CALN1: variants seen among roughly 807,000 people sequenced by gnomAD.
The protein encoded by CALN1 is calneuron 1.
CALN1 carries 17 observed loss-of-function variants against 30.6 expected under a neutral mutation model. The ratio of observed to expected loss-of-function variants is 0.56; its 90% CI spans 0.38 to 0.83. The LOEUF (loss-of-function observed/expected upper bound fraction) is 0.83. Ranked by LOEUF, CALN1 falls within the 40% of genes least tolerant of loss-of-function variation. CALN1 has a pLI of 0.00. For missense variants in CALN1, 291 were observed against 354.9 expected (o/e 0.82, Z 1.45); for synonymous variants, 156 against 131.4 (o/e 1.19, Z -1.28).
chr7:72,258,896 G>GT (rs1327905477), intron 3 of CALN1, among the ~76,000 whole-genome samples: 2 of 113,732 alleles, frequency 1.8e-5, no homozygotes, highest in African/African-American at 2.9e-5. Context: ...CTACTAAAAA[G>GT]TAAAAAAAAA....
intron 2 of CALN1, among the ~76,000 whole-genome samples, chr7:72,295,067 T>C (rs1798758521): frequency 6.6e-6 from 1 of 152,156 alleles, no homozygotes; most frequent in South Asian, 2.1e-4. Flanking sequence ...CAGTGTATAC[T>C]GGGCAGATGA....
intron 4 of CALN1, among the ~76,000 whole-genome samples, chr7:72,090,257 G>C (rs1048292769): frequency 6.6e-6 from 1 of 152,122 alleles, no homozygotes; most frequent in Non-Finnish European, 1.5e-5. Context: ...AGCTGAGATC[G>C]CGCCACTGCA....
chr7:72,323,452 G>C (rs1266707046), intron 2 of CALN1, among the ~76,000 whole-genome samples: 1 of 152,054 alleles, frequency 6.6e-6, no homozygotes, highest in East Asian at 1.9e-4. Flanking sequence ...CTGAGGTCAG[G>C]AGTTTGAGAC....
chr7:72,024,385 T>C (rs892627134), intron 4 of CALN1, among the ~76,000 whole-genome samples: 1 of 152,204 alleles, frequency 6.6e-6, no homozygotes, highest in Non-Finnish European at 1.5e-5. Context: ...TCATGCTTTC[T>C]ATATTTGAAC....
rs375878572 is a variant in CALN1 at position 72,064,295 on chromosome 7, AT to A, written c.389-40527del. 3.2e-3 allele frequency among the ~76,000 whole-genome samples: 454 copies of A among 143,080 alleles called. 3 individuals are homozygous for A. The highest frequency in any genetic ancestry group is 0.012 in the African/African-American group (415 of 35,544). 93.9% of individuals were successfully genotyped at this position (143,080 alleles called of 152,430 possible). ...AGACTCCATCTCAAAAAAAAAAAAAATAATTAATTAAAAATAAGTAAAAATA... is the reference window on the plus strand; with the variant it reads ...AGACTCCATCTCAAAAAAAAAAAAAAAATTAATTAAAAATAAGTAAAAATA... On this transcript the variant is annotated intron_variant, in intron 4 of 6. Transcript: ENST00000395275.
intron 2 of CALN1, among the ~76,000 whole-genome samples, chr7:72,353,111 T>TCA (rs1803025353): frequency 6.6e-6 from 1 of 152,202 alleles, no homozygotes; most frequent in South Asian, 2.1e-4. Flanking sequence ...TCCTATGCCC[T>TCA]CAAAACATAA....
intron 3 of CALN1, among the ~76,000 whole-genome samples, chr7:72,122,800 T>C (rs980260777): frequency 6.6e-6 from 1 of 152,198 alleles, no homozygotes; most frequent in Non-Finnish European, 1.5e-5. Flanking sequence ...CAAACGTTTC[T>C]TAAGCACCTA....
chr7:72,090,103 G>A (rs1233829648), intron 4 of CALN1, among the ~76,000 whole-genome samples: 1 of 152,152 alleles, frequency 6.6e-6, no homozygotes, highest in Non-Finnish European at 1.5e-5. Context: ...TTCGAGACTA[G>A]CCCGGCCAAC....
At chr7:71,947,798 G>A (rs986744416) in intron 5 of CALN1, among the ~76,000 whole-genome samples, 1 of 152,044 alleles carries the variant, frequency 6.6e-6, no homozygotes, top group Non-Finnish European at 1.5e-5. Context: ...AAACTAGCCA[G>A]TTGTGGTGGT....
intron 1 of CALN1, among the ~76,000 whole-genome samples, chr7:72,406,769 A>C (rs1475972861): frequency 6.6e-6 from 1 of 151,986 alleles, no homozygotes; most frequent in African/African-American, 2.4e-5. Flanking sequence ...GGTGCACACC[A>C]CCAGGCCTGG....
intron 5 of CALN1, among the ~76,000 whole-genome samples, chr7:71,812,523 A>G (rs1194428607): frequency 1.3e-5 from 2 of 152,230 alleles, no homozygotes; most frequent in Non-Finnish European, 2.9e-5. Flanking sequence ...AGTCTGTGAA[A>G]CAGAATGCCG....
intron 2 of CALN1, among the ~76,000 whole-genome samples, chr7:72,307,087 TTC>T (rs1336542884): frequency 2.0e-5 from 3 of 152,180 alleles, no homozygotes; most frequent in South Asian, 2.1e-4. Flanking sequence ...CTAGCCAGAC[TTC>T]TGTTTTTGGT....
At chr7:72,059,333 A>T (rs1463697034) in intron 4 of CALN1, among the ~76,000 whole-genome samples, 1 of 152,208 alleles carries the variant, frequency 6.6e-6, no homozygotes, top group Non-Finnish European at 1.5e-5. Context: ...TGCTCAAATG[A>T]CAACAGTAGG....
chr7:71,805,633 C>T (rs1053519750), intron 6 of CALN1, among the ~76,000 whole-genome samples: 4 of 152,122 alleles, frequency 2.6e-5, no homozygotes, highest in Non-Finnish European at 5.9e-5. Flanking sequence ...AAATTTGACA[C>T]ACACTCAGTG....
At chr7:72,398,861 G>T (rs576709796) in intron 2 of CALN1, among the ~76,000 whole-genome samples, 1 of 152,192 alleles carries the variant, frequency 6.6e-6, no homozygotes, top group East Asian at 1.9e-4. Context: ...AAACACCATC[G>T]ATCACACCCA....
intron 3 of CALN1, among the ~76,000 whole-genome samples, chr7:72,126,824 G>C (rs2129542574): frequency 6.6e-6 from 1 of 151,964 alleles, no homozygotes; most frequent in Non-Finnish European, 1.5e-5. Flanking sequence ...GGGAGGGGTT[G>C]AGGGATGAAA....
intron 2 of CALN1, among the ~76,000 whole-genome samples, chr7:72,369,511 A>C (rs1804094427): frequency 6.6e-6 from 1 of 151,500 alleles, no homozygotes; most frequent in Admixed American, 6.6e-5. Context: ...ACAGGCATGC[A>C]CCACCACAAC....
intron 2 of CALN1, among the ~76,000 whole-genome samples, chr7:72,383,785 T>C (rs958212853): frequency 6.6e-6 from 1 of 152,204 alleles, no homozygotes; most frequent in Non-Finnish European, 1.5e-5. Context: ...TTCCAATCCA[T>C]AGTGCAGCTA....
chr7:71,907,748 A>G (rs1397975603), intron 5 of CALN1, among the ~76,000 whole-genome samples: 1 of 152,230 alleles, frequency 6.6e-6, no homozygotes, highest in Non-Finnish European at 1.5e-5. Flanking sequence ...TCTCAGATGT[A>G]GATATCCTTA....
Sources: allele counts gnomAD v4.1 joint callset (sites outside exome capture counted in the v4.1 genomes callset), GRCh38; gene constraint gnomAD v4.1.1; transcripts MANE v1.5; gene names NCBI Gene and HGNC (gene_info 2026-07-23, HGNC 2026-07-21).